The following R3HDM2 variants were observed in gnomAD, a reference collection of about 807,000 sequenced individuals.
The protein encoded by R3HDM2 is R3H domain-containing protein 2.
Under a neutral mutation model 124.5 loss-of-function variants are expected in R3HDM2, and 38 were observed. That is an observed-to-expected ratio of 0.31 (90% CI 0.24 to 0.40). The LOEUF is 0.40. R3HDM2 is among the 10% of genes least tolerant of loss of function. The pLI is 1.00. For missense variants in R3HDM2, 869 were observed against 1,236.9 expected, an observed-to-expected ratio of 0.70 and a Z score of 4.46; for synonymous variants, 391 against 448.0, an observed-to-expected ratio of 0.87 and a Z score of 1.61.
intron 1 of R3HDM2, among the ~76,000 whole-genome samples, chr12:57,412,763 T>C (rs1330674317): frequency 6.6e-6 from 1 of 152,108 alleles, no homozygotes; most frequent in Non-Finnish European, 1.5e-5. Context: ...CCCAGCACTT[T>C]GGGAGGCCGA....
intron 2 of R3HDM2, among the ~76,000 whole-genome samples, chr12:57,320,479 G>A (rs1420796813): frequency 6.6e-6 from 1 of 152,062 alleles, no homozygotes; most frequent in South Asian, 2.1e-4. Flanking sequence ...GGGCCTAGAT[G>A]TGTGCTTCCC....
At chr12:57,303,348 A>C (rs887023691) in intron 3 of R3HDM2, 131 bp from the exon 4 acceptor site, 9 of 776,362 alleles carry the variant, frequency 1.2e-5, no homozygotes, top group African/African-American at 3.5e-5. Flanking sequence ...GATGAGGACC[A>C]CTTGATGTGG....
At chr12:57,402,166 G>A (rs1343951456) in intron 1 of R3HDM2, among the ~76,000 whole-genome samples, 1 of 151,306 alleles carries the variant, frequency 6.6e-6, no homozygotes, top group African/African-American at 2.4e-5. Flanking sequence ...ATGGTGACAG[G>A]CGCCTGTAAT....
intron 2 of R3HDM2, among the ~76,000 whole-genome samples, chr12:57,330,794 G>T (rs1230127352): frequency 7.1e-6 from 1 of 141,802 alleles, no homozygotes; most frequent in African/African-American, 2.6e-5. Context: ...CGCCTCCCGG[G>T]TTCACGCCAT....
intron 23 of R3HDM2, 100 bp from the exon 24 acceptor site, chr12:57,255,213 A>G: frequency 4.0e-6 from 4 of 995,852 alleles, no homozygotes; most frequent in Non-Finnish European, 5.9e-6. Flanking sequence ...AAGTCTGTAT[A>G]CAATGTCTTC....
chr12:57,269,872 A>G lies in R3HDM2; in HGVS notation c.1467T>C (p.Thr489=), dbSNP rs777453984. 1 of 1,614,142 alleles carries G rather than the reference A, an allele frequency of 6.2e-7. No homozygotes were observed. The highest frequency in any genetic ancestry group is 1.7e-5 in the Admixed American group (1 of 60,028). Residue 489 remains threonine (T), a synonymous_variant, in exon 15 of 24, where the codon ACT becomes ACC. Coordinates refer to ENST00000402412, the MANE Select transcript of R3HDM2 (RefSeq NM_001394031.1). ...TPLISQHPQQ[T]SFIMASTGQP... is the part of the protein sequence containing the mutation. ...GACCCGTGGAAGCCATGATGAAGCT[A>G]GTCTGCTGAGGGTGCTGGGAGATAA... is the stretch of plus-strand genomic sequence containing the variant.
chr12:57,276,015 A>C (rs1224827017), intron 14 of R3HDM2, among the ~76,000 whole-genome samples: 1 of 152,146 alleles, frequency 6.6e-6, no homozygotes, highest in Non-Finnish European at 1.5e-5. Flanking sequence ...CAGAAGATCG[A>C]GACCATCCTG....
At chr12:57,320,293 T>A (rs1307682618) in intron 2 of R3HDM2, among the ~76,000 whole-genome samples, 32 of 37,154 alleles carry the variant, frequency 8.6e-4, no homozygotes, top group African/African-American at 1.7e-3. Flanking sequence ...AAAAAAGCCT[T>A]AAACAGCTAA....
chr12:57,327,466 CAAAA>C (rs34045324), intron 2 of R3HDM2, among the ~76,000 whole-genome samples: 2 of 105,776 alleles, frequency 1.9e-5, no homozygotes, highest in Admixed American at 9.9e-5. Flanking sequence ...GACTCCGTCT[CAAAA>C]AAAAAAAAAA....
At chr12:57,354,879 C>T (rs1252115252) in intron 2 of R3HDM2, among the ~76,000 whole-genome samples, 1 of 151,920 alleles carries the variant, frequency 6.6e-6, no homozygotes, top group Non-Finnish European at 1.5e-5. Flanking sequence ...GGTTGGAATG[C>T]AGTGGGATGA....
intron 2 of R3HDM2, among the ~76,000 whole-genome samples, chr12:57,335,184 T>C (rs1244054762): frequency 1.3e-5 from 2 of 151,642 alleles, no homozygotes; most frequent in Non-Finnish European, 2.9e-5. Context: ...TATAATTTAG[T>C]ACTGCTGATC....
chr12:57,284,070 A>G lies in R3HDM2; in HGVS notation c.939-14T>C. On this transcript the variant is annotated splice_polypyrimidine_tract_variant and intron_variant, in intron 12 of 23. Transcript: ENST00000402412. ...TCACGGTTCCCCCTGCAGAGACCAT[A>G]GTGGTCAGAGCACCTCCCACCCACC... 6.3e-7 allele frequency: 1 copy of G among 1,577,384 alleles called. No homozygotes were observed. The highest frequency in any genetic ancestry group is 1.1e-5 in the South Asian group (1 of 87,744).
intron 21 of R3HDM2, among the ~76,000 whole-genome samples, chr12:57,257,181 T>C (rs548053996): frequency 3.5e-4 from 53 of 152,242 alleles, no homozygotes; most frequent in African/African-American, 1.1e-3. Flanking sequence ...TTCTGACTCA[T>C]GTGAGAGGCA....
intron 2 of R3HDM2, among the ~76,000 whole-genome samples, chr12:57,325,648 T>G (rs2057201016): frequency 6.6e-6 from 1 of 151,774 alleles, no homozygotes; most frequent in Non-Finnish European, 1.5e-5. Context: ...AGGCCCAAGC[T>G]ATCCTCCCAC....
intron 10 of R3HDM2, among the ~76,000 whole-genome samples, chr12:57,293,629 C>T (rs985849583): frequency 1.3e-5 from 2 of 152,126 alleles, no homozygotes; most frequent in African/African-American, 2.4e-5. Flanking sequence ...ATCCATCCTG[C>T]TCTTGAAGGC....
At chr12:57,398,142 G>A (rs1383643799) in intron 1 of R3HDM2, among the ~76,000 whole-genome samples, 5 of 151,252 alleles carry the variant, frequency 3.3e-5, no homozygotes, top group Admixed American at 3.3e-4. Flanking sequence ...GGCAGAGGTT[G>A]TAATGAGCCG....
intron 2 of R3HDM2, among the ~76,000 whole-genome samples, chr12:57,344,076 T>C (rs1456038286): frequency 6.6e-6 from 1 of 152,218 alleles, no homozygotes; most frequent in African/African-American, 2.4e-5. Context: ...TGTGCATGCA[T>C]ATATGTGCAT....
chr12:57,403,436 G>A (rs978011568), intron 1 of R3HDM2, among the ~76,000 whole-genome samples: 1 of 150,058 alleles, frequency 6.7e-6, no homozygotes, highest in African/African-American at 2.5e-5. Context: ...AGGTTGTAGT[G>A]AGCCGAGATC....
chr12:57,308,514 G>A (rs1299985607), intron 3 of R3HDM2, among the ~76,000 whole-genome samples: 4 of 151,464 alleles, frequency 2.6e-5, no homozygotes, highest in African/African-American at 4.8e-5. Context: ...GTGAAACCCC[G>A]CCTCTACTAA....
Sources: gnomAD v4.1 joint callset for allele counts (sites outside exome capture counted in the v4.1 genomes callset) on GRCh38, gnomAD v4.1.1 for gene constraint, MANE v1.5 for transcripts, NCBI Gene and HGNC (gene_info 2026-07-23, HGNC 2026-07-21) for gene names.